Variants in ALK observed in about 807,000 individuals in gnomAD.
ALK encodes ALK tyrosine kinase receptor.
In ALK, 74 loss-of-function variants were observed where a neutral mutation model predicts 163.1. The ratio of observed to expected loss-of-function variants is 0.45; its 90% CI spans 0.38 to 0.55. The LOEUF is 0.55. Among genes scored for constraint, ALK ranks in the 20% least tolerant of loss-of-function variants. The pLI, the probability that ALK is intolerant of heterozygous loss-of-function variation, is 0.00. For synonymous variants in ALK, 960 were observed against 843.2 expected, an observed-to-expected ratio of 1.14 and a Z score of -2.40; for missense variants, 2,063 against 2,105.3, an observed-to-expected ratio of 0.98 and a Z score of 0.39.
intron 1 of ALK, among the ~76,000 whole-genome samples, chr2:29,832,931 G>A (rs1411447409): frequency 2.6e-5 from 4 of 152,216 alleles, no homozygotes; most frequent in Non-Finnish European, 5.9e-5. Context: ...GTTGAGCTGG[G>A]CTCTAAAGTA....
chr2:29,284,756 A>G (rs115796992), intron 9 of ALK, among the ~76,000 whole-genome samples: 1,985 of 152,288 alleles, frequency 0.013, 48 homozygotes, highest in African/African-American at 0.045. Context: ...GATCTGGGAT[A>G]TTTTCTGAGA....
At chr2:29,782,992 A>G (rs1026136267) in intron 1 of ALK, among the ~76,000 whole-genome samples, 1 of 152,224 alleles carries the variant, frequency 6.6e-6, no homozygotes, top group Non-Finnish European at 1.5e-5. Context: ...TTTCTTTAAC[A>G]TAACTCCTGC....
chr2:29,442,664 T>C (rs1237029094), intron 4 of ALK, among the ~76,000 whole-genome samples: 1 of 151,922 alleles, frequency 6.6e-6, no homozygotes, highest in African/African-American at 2.4e-5. Context: ...ATAATGAGAG[T>C]AAAAGCACAC....
At chr2:29,374,039 A>G (rs1668695232) in intron 5 of ALK, among the ~76,000 whole-genome samples, 1 of 152,240 alleles carries the variant, frequency 6.6e-6, no homozygotes, top group Non-Finnish European at 1.5e-5. Flanking sequence ...TTCCCTTTGC[A>G]TAATGGCTCA....
chr2:29,307,688 T>G (rs1369554168), intron 8 of ALK, among the ~76,000 whole-genome samples: 2 of 152,210 alleles, frequency 1.3e-5, no homozygotes, highest in African/African-American at 2.4e-5. Context: ...CTAGTTCACC[T>G]GGAAAAATGA....
At chr2:29,650,156 A>G (rs1676998500) in intron 3 of ALK, among the ~76,000 whole-genome samples, 1 of 152,166 alleles carries the variant, frequency 6.6e-6, no homozygotes. Context: ...AAATGGTTAT[A>G]TACAAAATAG....
intron 3 of ALK, among the ~76,000 whole-genome samples, chr2:29,653,151 C>T (rs1677083228): frequency 1.3e-5 from 2 of 152,156 alleles, no homozygotes; most frequent in African/African-American, 4.8e-5. Flanking sequence ...TGCTGCAGAA[C>T]TTCCTGCTTG....
chr2:29,786,962 A>AT (rs1488502345), intron 1 of ALK, among the ~76,000 whole-genome samples: 12 of 152,042 alleles, frequency 7.9e-5, no homozygotes, highest in African/African-American at 2.9e-4. Context: ...CGCCTGGCTA[A>AT]TTTTTTGTAT....
At chr2:29,490,089 C>T (rs1008634178) in intron 4 of ALK, among the ~76,000 whole-genome samples, 4 of 152,222 alleles carry the variant, frequency 2.6e-5, no homozygotes, top group Admixed American at 1.3e-4. Context: ...TCCCTGGGGA[C>T]AAGGGACAAA....
At chr2:29,220,974 G>T in intron 22 of ALK, 139 bp from the exon 23 acceptor site, 1 of 1,237,170 alleles carries the variant, frequency 8.1e-7, no homozygotes, top group Non-Finnish European at 1.2e-6. Context: ...GGCAGCAGGG[G>T]TCCCGGGCTG....
chr2:29,651,337 A>G (rs1227937707), intron 3 of ALK, among the ~76,000 whole-genome samples: 1 of 152,166 alleles, frequency 6.6e-6, no homozygotes, highest in African/African-American at 2.4e-5. Context: ...AGAACCATAA[A>G]TTATGATACC....
chr2:29,701,141 T>C (rs1309904260), intron 2 of ALK, among the ~76,000 whole-genome samples: 1 of 152,198 alleles, frequency 6.6e-6, no homozygotes, highest in Non-Finnish European at 1.5e-5. Flanking sequence ...TCCTCTTGAG[T>C]GGGCTCAGAA....
intron 4 of ALK, among the ~76,000 whole-genome samples, chr2:29,435,819 T>C (rs1161117418): frequency 6.6e-6 from 1 of 152,164 alleles, no homozygotes; most frequent in Non-Finnish European, 1.5e-5. Context: ...CTCCCACTTG[T>C]TAACTACGTA....
intron 2 of ALK, among the ~76,000 whole-genome samples, chr2:29,707,030 T>TGTGTGTGTGG (rs70962235): frequency 1.6e-5 from 2 of 128,060 alleles, no homozygotes; most frequent in African/African-American, 3.2e-5. Flanking sequence ...TGTGTGTGTG[T>TGTGTGTGTGG]TGGGTAAGGA....
intron 1 of ALK, among the ~76,000 whole-genome samples, chr2:29,734,432 T>A (rs1679835510): frequency 6.6e-6 from 1 of 152,096 alleles, no homozygotes; most frequent in South Asian, 2.1e-4. Flanking sequence ...CTAAAATAGA[T>A]CATTAATCAG....
At chr2:29,874,235 T>C (rs1225018206) in intron 1 of ALK, among the ~76,000 whole-genome samples, 2 of 151,748 alleles carry the variant, frequency 1.3e-5, no homozygotes, top group Non-Finnish European at 2.9e-5. Context: ...TCTTCTCTGG[T>C]CCCCACCCCA....
chr2:29,454,238 G>A lies in ALK; in HGVS notation c.1155-70379C>T, dbSNP rs942465884. 2.0e-5 allele frequency among the ~76,000 whole-genome samples: 3 copies of A among 152,084 alleles called. 1 individual carries two copies. Among genetic ancestry groups the A allele is most frequent in the East Asian group, 3.9e-4 (2 of 5,190 alleles). ...CATACACATCCCTCAGTATTTCTGG[G>A]GGATTGGTTCCAGGACCCCCCTGTG... On this transcript the variant is annotated intron_variant, in intron 4 of 28. Transcript: ENST00000389048.
rs140887140 is a variant in ALK at position 29,717,722 on chromosome 2, C to G, written c.668-25G>C. 356 of 1,613,944 alleles carry G rather than the reference C, an allele frequency of 2.2e-4. 3 individuals carry two copies. In the East Asian group the frequency reaches 7.8e-3, roughly 35 times the overall value. On this transcript the variant is annotated intron_variant, in intron 1 of 28. Coordinates refer to ENST00000389048, the MANE Select transcript of ALK (RefSeq NM_004304.5). ...CCTGGACATAAAAATAAAGAAAACA[C>G]TGATCCATGTGCTTGGGGTGTGTCT...
chr2:29,386,184 A>G (rs1669027323), intron 4 of ALK, among the ~76,000 whole-genome samples: 2 of 152,182 alleles, frequency 1.3e-5, no homozygotes, highest in Non-Finnish European at 2.9e-5. Flanking sequence ...CTTCTTCCCT[A>G]TCTTTTCTCT....
Sources: gnomAD v4.1 joint callset for allele counts (sites outside exome capture counted in the v4.1 genomes callset) on GRCh38, gnomAD v4.1.1 for gene constraint, MANE v1.5 for transcripts, NCBI Gene and HGNC (gene_info 2026-07-23, HGNC 2026-07-21) for gene names.